Variants in PLXNA2 observed in about 807,000 individuals in gnomAD.
PLXNA2 encodes plexin A2, also known as plexin-A2.
A neutral mutation model predicts 193.5 loss-of-function variants in PLXNA2; 91 were observed. The observed-to-expected ratio is 0.47, with a 90% CI of 0.40 to 0.56. PLXNA2 has a LOEUF of 0.56. Among genes scored for constraint, PLXNA2 ranks in the 20% least tolerant of loss-of-function variants. The pLI, the probability that PLXNA2 is intolerant of heterozygous loss-of-function variation, is 0.00. For synonymous variants in PLXNA2, 997 were observed against 1,027.3 expected (o/e 0.97, Z 0.56); for missense variants, 1,995 against 2,503.2 (o/e 0.80, Z 4.33).
rs1351397400 is a variant in PLXNA2, at chr1:208,026,214, G to C, written c.*1029C>G. ...GGAGGCCTGGCCCACACACCTCCAG[G>C]CCGTTTCCCCAGGGTGCCTGGTTTA... On this transcript the variant is annotated 3_prime_UTR_variant, in exon 32 of 32. Coordinates refer to ENST00000367033, the MANE Select transcript of PLXNA2 (RefSeq NM_025179.4). 6.6e-6 allele frequency: 1 copy of C among 152,322 alleles called. No homozygotes were observed. Among genetic ancestry groups the C allele is most frequent in the Non-Finnish European group, 1.5e-5 (1 of 68,038 alleles). 9.4% of individuals were successfully genotyped at this position (152,322 alleles called of 1,614,324 possible).
intron 29 of PLXNA2, chr1:208,029,929 T>G (rs1664448629): frequency 1.0e-6 from 1 of 985,408 alleles, no homozygotes. Context: ...GTGGAACCGG[T>G]CCTGTCACAG....
intron 4 of PLXNA2, among the ~76,000 whole-genome samples, chr1:208,134,585 T>A (rs1365688400): frequency 2.0e-5 from 3 of 152,156 alleles, no homozygotes; most frequent in Non-Finnish European, 4.4e-5. Context: ...AACTCTGTAA[T>A]TCTCCCCAAA....
intron 4 of PLXNA2, among the ~76,000 whole-genome samples, chr1:208,122,142 A>G (rs1033303129): frequency 6.6e-6 from 1 of 152,242 alleles, no homozygotes; most frequent in African/African-American, 2.4e-5. Flanking sequence ...TTAGAGTCTT[A>G]ATGAAAACCA....
Position 208,217,914 on chromosome 1 carries a change from C to G in PLXNA2, c.9G>C (p.Gln3His). Residue 3 changes from glutamine (Q) to histidine (H), a missense_variant, in exon 2 of 32, where the codon CAG (glutamine) becomes CAC (histidine). Coordinates refer to ENST00000367033, the MANE Select transcript of PLXNA2 (RefSeq NM_025179.4). This position sits in a 1 kb window ranked among gnomAD's most constrained non-coding sequence, Gnocchi z 4.7. ...CCAGGGCCCGGGGCCAGGGCCGCCT[C>G]TGTTCCATGCTGAGAGGGGCGGCGG... ME[Q>H]RRPWPRALEV... is the part of the protein sequence containing the mutation. 6.2e-7 allele frequency: 1 copy of G among 1,609,274 alleles called. No individual in the cohort carries two copies. The highest frequency in any genetic ancestry group is 8.5e-7 in the Non-Finnish European group (1 of 1,179,914).
chr1:208,160,739 C>T (rs1558222310), intron 3 of PLXNA2, among the ~76,000 whole-genome samples: 1 of 152,234 alleles, frequency 6.6e-6, no homozygotes, highest in East Asian at 1.9e-4. Context: ...GAAACAAATG[C>T]AACACAGATC....
At chr1:208,132,884 A>G (rs1668200584) in intron 4 of PLXNA2, among the ~76,000 whole-genome samples, 1 of 152,216 alleles carries the variant, frequency 6.6e-6, no homozygotes, top group Non-Finnish European at 1.5e-5. Flanking sequence ...TAACTGAAGC[A>G]CAGAAAGGTG....
At chr1:208,089,304 T>G (rs1008464058) in intron 9 of PLXNA2, among the ~76,000 whole-genome samples, 1 of 152,192 alleles carries the variant, frequency 6.6e-6, no homozygotes, top group East Asian at 1.9e-4. Context: ...AGGACCAGGT[T>G]GAAGTCAGGC....
Position 208,028,819 on chromosome 1 carries a change from G to T in PLXNA2, c.5438+11C>A. The T allele has an allele frequency of 6.2e-7, 1 of 1,611,940 alleles. No homozygotes were observed. Reference sequence around the variant, plus strand: ...ACAAGGGCATGGGCCTGTCCTGAGGGTGCTACTGACCTCTCCACCCAGCTC... The same window carrying T: ...ACAAGGGCATGGGCCTGTCCTGAGGTTGCTACTGACCTCTCCACCCAGCTC... On this transcript the variant is annotated intron_variant, in intron 30 of 31. Transcript: ENST00000367033. The surrounding 1 kb of genome is among the most constrained non-coding windows in gnomAD (Gnocchi z 4.2).
At chr1:208,107,372 G>A (rs1197805529) in intron 4 of PLXNA2, among the ~76,000 whole-genome samples, 2 of 152,202 alleles carry the variant, frequency 1.3e-5, no homozygotes, top group Non-Finnish European at 2.9e-5. Flanking sequence ...CTTCCTTGGT[G>A]CTATGGAAGG....
chr1:208,045,821 G>T, intron 18 of PLXNA2, 57 bp downstream of exon 18: 1 of 1,600,678 alleles, frequency 6.2e-7, no homozygotes, highest in Admixed American at 1.7e-5. Context: ...CAGGAGCGAG[G>T]GGCGCCCTCT....
chr1:208,136,719 G>C (rs1041543027), intron 4 of PLXNA2, among the ~76,000 whole-genome samples: 15 of 152,330 alleles, frequency 9.8e-5, no homozygotes, highest in Admixed American at 9.8e-4. Flanking sequence ...CCAGGCCAGA[G>C]GCTTCTGAGG....
intron 13 of PLXNA2, 140 bp from the exon 14 acceptor site, chr1:208,054,678 G>A: frequency 1.5e-6 from 1 of 664,630 alleles, no homozygotes; most frequent in Non-Finnish European, 2.7e-6. Flanking sequence ...CATCCATCTT[G>A]CTGTGTGACC....
In PLXNA2 at chr1:208,039,622, A is replaced by G. The variant is rs1175828904; in HGVS notation, c.4499T>C (p.Leu1500Pro). Residue 1500 changes from leucine to proline, a missense_variant and splice_region_variant, in exon 24 of 32, where the codon CTG (leucine) becomes CCG (proline). Physicochemically the swap from Leu to Pro is moderately conservative, Grantham distance 98 (BLOSUM62 -3). Around this residue, in one of 3 missense-constraint regions of PLXNA2, gnomAD observed 1,291 missense variants for 1,673.6 expected, o/e 0.77. Coordinates refer to ENST00000367033, the MANE Select transcript of PLXNA2 (RefSeq NM_025179.4). Reference sequence around the variant, plus strand: ...GCCCGGAGCTTCCGGCTTCCTCACCAGGGTCTTGTACTCGATCTGCTGCCG... The same window carrying G: ...GCCCGGAGCTTCCGGCTTCCTCACCGGGGTCTTGTACTCGATCTGCTGCCG... ...LIRQQIEYKT[L>P]ILNCVNPDNE... 2.5e-6 allele frequency: 4 copies of G among 1,613,664 alleles called. No homozygotes were observed. The highest frequency in any genetic ancestry group is 1.3e-5 in the African/African-American group (1 of 75,032).
At chr1:208,092,039 T>A (rs1666730156) in intron 9 of PLXNA2, among the ~76,000 whole-genome samples, 1 of 152,104 alleles carries the variant, frequency 6.6e-6, no homozygotes, top group East Asian at 1.9e-4. Flanking sequence ...CATGCTGGGG[T>A]ATGAAAAGCT....
At chr1:208,241,614 G>T (rs1206098369) in intron 1 of PLXNA2, among the ~76,000 whole-genome samples, 11 of 152,208 alleles carry the variant, frequency 7.2e-5, no homozygotes, top group Admixed American at 6.5e-4. Context: ...CTGCTCCTCA[G>T]CATCTTCCCT....
intron 1 of PLXNA2, among the ~76,000 whole-genome samples, chr1:208,231,536 C>T (rs1387486914): frequency 6.6e-6 from 1 of 152,220 alleles, no homozygotes; most frequent in Non-Finnish European, 1.5e-5. Context: ...CTGCTCTCCT[C>T]CCAGATGCAT....
chr1:208,146,284 C>T (rs912372863), intron 3 of PLXNA2, among the ~76,000 whole-genome samples: 2 of 152,228 alleles, frequency 1.3e-5, no homozygotes, highest in Non-Finnish European at 2.9e-5. Flanking sequence ...AGGTGAGTTA[C>T]CTCTCTGAGC....
chr1:208,195,297 GGAAGACAGGCAT>G (rs1191311548), intron 3 of PLXNA2, among the ~76,000 whole-genome samples: 3 of 152,212 alleles, frequency 2.0e-5, no homozygotes, highest in Non-Finnish European at 1.5e-5. Context: ...GCTTCACTAG[GGAAGACAGGCAT>G]GAGGGAGAGT....
chr1:208,209,227 C>T (rs1670844352), intron 3 of PLXNA2, among the ~76,000 whole-genome samples: 1 of 152,160 alleles, frequency 6.6e-6, no homozygotes, highest in Non-Finnish European at 1.5e-5. Context: ...CAGTTCTTCT[C>T]ACCTCCCCTG....
Sources: allele counts gnomAD v4.1 joint callset (sites outside exome capture counted in the v4.1 genomes callset), GRCh38; gene constraint gnomAD v4.1.1; regional missense constraint gnomAD v4.1.1; non-coding constraint Gnocchi (gnomAD v3.1); transcripts MANE v1.5; gene names NCBI Gene and HGNC (gene_info 2026-07-23, HGNC 2026-07-21).